Variants in AUTS2 observed in about 807,000 individuals in gnomAD.
AUTS2 encodes the protein activator of transcription and developmental regulator AUTS2, also known as autism susceptibility gene 2 protein.
Under a neutral mutation model 112.4 loss-of-function variants are expected in AUTS2, and 17 were observed. The observed-to-expected ratio is 0.15, with a 90% CI of 0.10 to 0.23. AUTS2 has a LOEUF of 0.23. Among genes scored for constraint, AUTS2 ranks in the 10% least tolerant of loss-of-function variants. The pLI, the probability that AUTS2 is intolerant of heterozygous loss-of-function variation, is 1.00. For synonymous variants in AUTS2, 751 were observed against 702.7 expected (o/e 1.07, Z -1.09); for missense variants, 1,510 against 1,701.6 (o/e 0.89, Z 1.98).
chr7:69,660,150 T>G (rs117784758), intron 1 of AUTS2, among the ~76,000 whole-genome samples: 2,374 of 152,282 alleles, frequency 0.016, 32 homozygotes, highest in Non-Finnish European at 0.025. Context: ...CCACATTCTT[T>G]GGGTTTGTTG....
At chr7:70,076,611 T>G (rs1803046516) in intron 2 of AUTS2, among the ~76,000 whole-genome samples, 1 of 152,188 alleles carries the variant, frequency 6.6e-6, no homozygotes, top group South Asian at 2.1e-4. Flanking sequence ...AATATTTTTA[T>G]TAGTGACTTG....
chr7:70,238,866 G>T (rs978703081), intron 4 of AUTS2, among the ~76,000 whole-genome samples: 1 of 152,076 alleles, frequency 6.6e-6, no homozygotes, highest in Non-Finnish European at 1.5e-5. Flanking sequence ...GTGTGTGTGT[G>T]TACATGCACT....
chr7:69,970,532 T>A (rs1176355834), intron 2 of AUTS2, among the ~76,000 whole-genome samples: 2 of 152,180 alleles, frequency 1.3e-5, no homozygotes, highest in Non-Finnish European at 2.9e-5. Context: ...AGGAGCTGTT[T>A]TAGTTCTGTT....
intron 2 of AUTS2, among the ~76,000 whole-genome samples, chr7:69,967,274 G>C (rs549117351): frequency 6.6e-6 from 1 of 152,040 alleles, no homozygotes; most frequent in South Asian, 2.1e-4. Flanking sequence ...TATTCATCCC[G>C]TGGGAGTAGG....
chr7:70,333,902 C>T (rs1439202127), intron 4 of AUTS2, among the ~76,000 whole-genome samples: 1 of 152,056 alleles, frequency 6.6e-6, no homozygotes, highest in Non-Finnish European at 1.5e-5. Flanking sequence ...CATGTGTATA[C>T]TTATGTAACA....
chr7:70,063,551 T>C (rs1802354261), intron 2 of AUTS2, among the ~76,000 whole-genome samples: 1 of 152,168 alleles, frequency 6.6e-6, no homozygotes, highest in Non-Finnish European at 1.5e-5. Flanking sequence ...ACCTCATAGA[T>C]AGCACTTCTG....
intron 2 of AUTS2, among the ~76,000 whole-genome samples, chr7:70,069,834 A>G (rs1802672657): frequency 6.6e-6 from 1 of 151,964 alleles, no homozygotes; most frequent in African/African-American, 2.4e-5. Flanking sequence ...CAGCTTTTCA[A>G]GCATCATTGG....
chr7:70,488,129 G>A (rs1423808750), intron 5 of AUTS2, among the ~76,000 whole-genome samples: 2 of 152,226 alleles, frequency 1.3e-5, no homozygotes, highest in Non-Finnish European at 2.9e-5. Flanking sequence ...CATTGTGCAA[G>A]GCAAGGAGGC....
intron 1 of AUTS2, among the ~76,000 whole-genome samples, chr7:69,773,492 TTTTTCCC>T (rs1554366799): frequency 6.7e-6 from 1 of 148,512 alleles, no homozygotes; most frequent in Non-Finnish European, 1.5e-5. Flanking sequence ...AAGAAAAACC[TTTTTCCC>T]CAAGCCTTTG....
intron 4 of AUTS2, among the ~76,000 whole-genome samples, chr7:70,180,413 A>C (rs2129580606): frequency 6.9e-6 from 1 of 144,340 alleles, no homozygotes. Flanking sequence ...GAATAAAATA[A>C]AATAAACACA....
At chr7:70,411,689 G>A (rs1227144705) in intron 4 of AUTS2, among the ~76,000 whole-genome samples, 1 of 152,094 alleles carries the variant, frequency 6.6e-6, no homozygotes, top group Non-Finnish European at 1.5e-5. Flanking sequence ...TATTTTCACA[G>A]TGTTAATGGA....
chr7:70,094,096 A>G (rs1804063023), intron 2 of AUTS2, among the ~76,000 whole-genome samples: 1 of 152,222 alleles, frequency 6.6e-6, no homozygotes, highest in African/African-American at 2.4e-5. Context: ...TCTTCAATGA[A>G]TAGTCCTTTG....
intron 4 of AUTS2, among the ~76,000 whole-genome samples, chr7:70,314,115 C>T (rs1789886260): frequency 6.6e-6 from 1 of 152,130 alleles, no homozygotes; most frequent in Non-Finnish European, 1.5e-5. Flanking sequence ...AGGATGTAGC[C>T]CCTTGGCTCC....
rs545365188 is a variant in AUTS2, at chr7:69,701,706, A to G, written c.309+101744A>G. 3.3e-5 allele frequency among the ~76,000 whole-genome samples: 5 copies of G among 152,348 alleles called. 1 individual carries two copies. In the South Asian group the frequency reaches 1.0e-3, roughly 32 times the overall value. ...TTTCTGTAGCATTTTGCAGTTTGGG[A>G]AACATTTTATGTATTTTATTTTATC... On this transcript the variant is annotated intron_variant, in intron 1 of 18. Coordinates refer to ENST00000342771, the MANE Select transcript of AUTS2 (RefSeq NM_015570.4).
chr7:70,005,687 G>A (rs966957915), intron 2 of AUTS2, among the ~76,000 whole-genome samples: 6 of 152,112 alleles, frequency 3.9e-5, no homozygotes, highest in African/African-American at 1.4e-4. Context: ...GAAGAAGAGA[G>A]GGGCACTTGG....
chr7:70,156,981 G>T (rs959932087), intron 4 of AUTS2, among the ~76,000 whole-genome samples: 1 of 149,336 alleles, frequency 6.7e-6, no homozygotes, highest in Admixed American at 6.7e-5. Flanking sequence ...GGAGGCTGAG[G>T]CAGGAGAATC....
chr7:70,762,437 A>T (rs942379185), intron 6 of AUTS2, among the ~76,000 whole-genome samples: 2 of 146,118 alleles, frequency 1.4e-5, no homozygotes, highest in Admixed American at 6.8e-5. Context: ...CACCTGGCTA[A>T]TTTTTTTTTT....
rs113449784 is a variant in AUTS2 at position 70,443,466 on chromosome 7, C to A, written c.690+7685C>A. On this transcript the variant is annotated intron_variant, in intron 5 of 18. Coordinates refer to ENST00000342771, the MANE Select transcript of AUTS2 (RefSeq NM_015570.4). Reference sequence around the variant, plus strand: ...AAATAGCTATTTACCTAGGCCCCAACAGCATGGCAGAACCCAGAGGGAAAT... The same window carrying A: ...AAATAGCTATTTACCTAGGCCCCAAAAGCATGGCAGAACCCAGAGGGAAAT... Among the ~76,000 whole-genome samples the A allele has an allele frequency of 1.6e-4, 24 of 152,342 alleles. 2 individuals are homozygous for A. The highest frequency in any genetic ancestry group is 5.3e-4 in the African/African-American group (22 of 41,588).
chr7:70,537,763 A>G (rs1229600035), intron 5 of AUTS2, among the ~76,000 whole-genome samples: 1 of 152,200 alleles, frequency 6.6e-6, no homozygotes, highest in African/African-American at 2.4e-5. Context: ...TGAAGGTGAA[A>G]TGAAGGAGGA....
Sources: allele counts gnomAD v4.1 joint callset (sites outside exome capture counted in the v4.1 genomes callset), GRCh38; gene constraint gnomAD v4.1.1; transcripts MANE v1.5; gene names NCBI Gene and HGNC (gene_info 2026-07-23, HGNC 2026-07-21).